PLEKHM2: variants seen among roughly 807,000 people sequenced by gnomAD.
PLEKHM2 encodes pleckstrin homology domain-containing family M member 2.
In PLEKHM2, 77 loss-of-function variants were observed where a neutral mutation model predicts 116.3. The observed-to-expected ratio is 0.66, with a 90% CI of 0.55 to 0.80. The LOEUF (loss-of-function observed/expected upper bound fraction) is 0.80, where lower values mean the gene tolerates loss of function less well. Among genes scored for constraint, PLEKHM2 ranks in the 30% least tolerant of loss-of-function variants. The pLI is 0.00. For missense variants in PLEKHM2, 1,183 were observed against 1,354.9 expected, an observed-to-expected ratio of 0.87 and a Z score of 1.99; for synonymous variants, 562 against 571.0, an observed-to-expected ratio of 0.98 and a Z score of 0.22.
Position 15,727,674 on chromosome 1 carries a change from C to A in PLEKHM2, c.1602C>A (p.Val534=). 1 of 1,595,448 alleles carries A rather than the reference C, an allele frequency of 6.3e-7. No individual in the cohort carries two copies. The highest frequency in any genetic ancestry group is 1.1e-5 in the South Asian group (1 of 88,132). ...AQELEAQLSL[V]REGPVSEPEP... ...AGCTGGAGGCCCAGCTGTCCCTGGT[C>A]AGGGAGGGGCCTGTGTCTGAGCCAG... is the stretch of plus-strand genomic sequence containing the variant. The change falls in exon 9 of 20, where the codon GTC becomes GTA. Residue 534 remains valine (V), a synonymous_variant. Transcript: ENST00000375799. This position sits in a 1 kb window ranked among gnomAD's most constrained non-coding sequence, Gnocchi z 7.5.
In PLEKHM2 at chr1:15,729,295, G is replaced by A; in HGVS notation, c.2075+105G>A. 1.1e-6 allele frequency: 1 copy of A among 923,788 alleles called. No individual in the cohort carries two copies. Among genetic ancestry groups the A allele is most frequent in the Non-Finnish European group, 1.7e-6 (1 of 577,026 alleles). The allele number at this position is 923,788 out of a possible 1,614,324, so 57.2% of individuals were successfully genotyped here. The stretch of plus-strand genomic sequence containing the variant: ...GTGGAGGTGGAAAGTGGGAGATCCA[G>A]GAGGGGAAACCAGATGTATTCCCTC... On this transcript the variant is annotated intron_variant, in intron 13 of 19. Coordinates refer to ENST00000375799, the MANE Select transcript of PLEKHM2 (RefSeq NM_015164.4). This position sits in a 1 kb window ranked among gnomAD's most constrained non-coding sequence, Gnocchi z 4.7.
Position 15,719,316 on chromosome 1 carries a change from G to T in PLEKHM2, c.466-418G>T, listed in dbSNP as rs2067954874. On this transcript the variant is annotated intron_variant, in intron 5 of 19. Transcript: ENST00000375799. This position sits in a 1 kb window ranked among gnomAD's most constrained non-coding sequence, Gnocchi z 4.1. ...AAAATACAAAAGTTAGCGGGGTGTG[G>T]TGATGGGCGCCTATAATCTCAGCTA... Among the ~76,000 whole-genome samples, 3 of 152,150 alleles carry T rather than the reference G, an allele frequency of 2.0e-5. No individual in the cohort carries two copies. The highest frequency in any genetic ancestry group is 2.0e-4 in the Admixed American group (3 of 15,266).
intron 8 of PLEKHM2, 141 bp from the exon 9 acceptor site, chr1:15,726,873 C>T (rs2068069454): frequency 1.8e-6 from 1 of 558,346 alleles, no homozygotes. Flanking sequence ...AGTGCCTCCA[C>T]CCAGCACTGC....
chr1:15,703,535 G>C (rs1281752804), intron 1 of PLEKHM2, among the ~76,000 whole-genome samples: 1 of 152,218 alleles, frequency 6.6e-6, no homozygotes, highest in Non-Finnish European at 1.5e-5. Context: ...ACTTGGAACT[G>C]TCTTATGTTC....
Position 15,734,064 on chromosome 1 carries a change from A to G in PLEKHM2, c.*130A>G. ...CCTGCCCTGGGCGGCAGAACCACCG[A>G]GTGTGGCTTAAGACAGGGTCCCTCC... On this transcript the variant is annotated 3_prime_UTR_variant, in exon 20 of 20. Coordinates refer to ENST00000375799, the MANE Select transcript of PLEKHM2 (RefSeq NM_015164.4). The G allele has an allele frequency of 9.5e-7, 1 of 1,049,694 alleles. No individual in the cohort carries two copies. The highest frequency in any genetic ancestry group is 1.3e-6 in the Non-Finnish European group (1 of 746,464). The allele number at this position is 1,049,694 out of a possible 1,614,324, so 65.0% of individuals were successfully genotyped here.
intron 7 of PLEKHM2, among the ~76,000 whole-genome samples, chr1:15,724,486 A>C (rs1465971220): frequency 1.3e-5 from 2 of 151,836 alleles, no homozygotes; most frequent in Non-Finnish European, 2.9e-5. Flanking sequence ...CGTCTCAAAA[A>C]AAAAAAAAAA....
chr1:15,696,511 C>T (rs919654128), intron 1 of PLEKHM2, among the ~76,000 whole-genome samples: 26 of 152,014 alleles, frequency 1.7e-4, no homozygotes, highest in African/African-American at 6.0e-4. Context: ...CCACCACGCC[C>T]GGCTAATTTT....
Position 15,719,271 on chromosome 1 carries a change from G to A in PLEKHM2, c.466-463G>A, listed in dbSNP as rs1363010414. On this transcript the variant is annotated intron_variant, in intron 5 of 19. Transcript: ENST00000375799. This position sits in a 1 kb window ranked among gnomAD's most constrained non-coding sequence, Gnocchi z 4.1. The stretch of plus-strand genomic sequence containing the variant: ...TCGAGACCAGCCTGGCCAACATGGC[G>A]AAACCTCGTCTCTACTAAAAAAATA... 2.6e-5 allele frequency among the ~76,000 whole-genome samples: 4 copies of A among 152,152 alleles called. No homozygotes were observed. The highest frequency in any genetic ancestry group is 2.1e-4 in the South Asian group (1 of 4,824).
chr1:15,684,491 G>A lies in PLEKHM2; in HGVS notation c.-68G>A. On this transcript the variant is annotated 5_prime_UTR_variant, in exon 1 of 20. Coordinates refer to ENST00000375799, the MANE Select transcript of PLEKHM2 (RefSeq NM_015164.4). ...CGGTTGGCGGCGGCCCCCGGCCCCC[G>A]GCGCGGGAAGCGGCGGCGGGGCGGC... 2 of 919,582 alleles carry A rather than the reference G, an allele frequency of 2.2e-6. No individual in the cohort carries two copies. Among genetic ancestry groups the A allele is most frequent in the Non-Finnish European group, 2.6e-6 (2 of 766,974 alleles). 57.0% of individuals were successfully genotyped at this position (919,582 alleles called of 1,614,324 possible).
chr1:15,693,799 G>A (rs1640935588), intron 1 of PLEKHM2, among the ~76,000 whole-genome samples: 1 of 152,166 alleles, frequency 6.6e-6, no homozygotes, highest in African/African-American at 2.4e-5. Context: ...GTCCACACAA[G>A]CCTTAATGTG....
chr1:15,716,297 G>T lies in PLEKHM2; in HGVS notation c.121G>T (p.Val41Phe). The T allele has an allele frequency of 6.2e-7, 1 of 1,607,858 alleles. No homozygotes were observed. ...EIPAIRNHDKVLQRLCEHLDH... is the reference protein window; with the variant it reads ...EIPAIRNHDKFLQRLCEHLDH... ...CCCTGCCATCCGGAACCATGACAAG[G>T]TCCTACAGCGTCTGTGTGAGCACCT... Residue 41 changes from valine to phenylalanine, a missense_variant, in exon 2 of 20, where the codon GTC becomes TTC. Val to Phe is a conservative substitution (Grantham distance 50). Around this residue, in one of 3 missense-constraint regions of PLEKHM2, gnomAD observed 217 missense variants for 277.6 expected, o/e 0.78. Coordinates refer to ENST00000375799, the MANE Select transcript of PLEKHM2 (RefSeq NM_015164.4).
Position 15,727,444 on chromosome 1 carries a change from C to T in PLEKHM2, c.1372C>T (p.Leu458Phe). 6.2e-7 allele frequency: 1 copy of T among 1,605,718 alleles called. No individual in the cohort carries two copies. Residue 458 changes from leucine (L) to phenylalanine (F), a missense_variant, in exon 9 of 20, where the codon CTT (leucine) becomes TTT (phenylalanine). Leu to Phe is a conservative substitution (Grantham distance 22). Transcript: ENST00000375799. This position sits in a 1 kb window ranked among gnomAD's most constrained non-coding sequence, Gnocchi z 7.5. ...RPPLCDFSEG[L>F]SAPMDFYRFT... Reference sequence around the variant, plus strand: ...GCCGCTTTGCGACTTTAGTGAGGGGCTTTCAGCCCCAATGGACTTCTACCG... The same window carrying T: ...GCCGCTTTGCGACTTTAGTGAGGGGTTTTCAGCCCCAATGGACTTCTACCG...
chr1:15,720,599 T>C, intron 6 of PLEKHM2: 3 of 402,760 alleles, frequency 7.4e-6, no homozygotes, highest in Non-Finnish European at 6.7e-6. Context: ...TTATCTCCTG[T>C]AGGAGACCAG....
At position 15,728,415 on chromosome 1, in the gene PLEKHM2, T is replaced by C; in HGVS notation, c.1921+58T>C. Reference sequence around the variant, plus strand: ...TAGACGAGGCTGACTCTCAGCCCCTTTTCCCCAGTCCCCTTGCCCTCTGAG... The same window carrying C: ...TAGACGAGGCTGACTCTCAGCCCCTCTTCCCCAGTCCCCTTGCCCTCTGAG... On this transcript the variant is annotated intron_variant, in intron 11 of 19. Coordinates refer to ENST00000375799, the MANE Select transcript of PLEKHM2 (RefSeq NM_015164.4). This position sits in a 1 kb window ranked among gnomAD's most constrained non-coding sequence, Gnocchi z 5.9. The C allele has an allele frequency of 1.3e-6, 2 of 1,483,432 alleles. No homozygotes were observed. Among genetic ancestry groups the C allele is most frequent in the Non-Finnish European group, 1.9e-6 (2 of 1,075,868 alleles). The allele number at this position is 1,483,432 out of a possible 1,614,324, so 91.9% of individuals were successfully genotyped here. A position where few individuals can be genotyped will look rare whatever the true frequency, so the allele number is the denominator to read the frequency against.
intron 19 of PLEKHM2, among the ~76,000 whole-genome samples, chr1:15,732,999 T>G (rs1265367452): frequency 6.6e-6 from 1 of 152,210 alleles, no homozygotes; most frequent in Admixed American, 6.5e-5. Flanking sequence ...CACTCAGCAT[T>G]GCTGCCTCAA....
At position 15,734,163 on chromosome 1, in the gene PLEKHM2, G is replaced by C. The variant is rs755187659; in HGVS notation, c.*229G>C. 43 of 560,360 alleles carry C rather than the reference G, an allele frequency of 7.7e-5. No homozygotes were observed. The highest frequency in any genetic ancestry group is 4.7e-4 in the Middle Eastern group (1 of 2,130). 34.7% of individuals were successfully genotyped at this position (560,360 alleles called of 1,614,324 possible). A position where few individuals can be genotyped will look rare whatever the true frequency, so the allele number is the denominator to read the frequency against. The stretch of plus-strand genomic sequence containing the variant: ...GACAGGTAGCGAATGGAGGTCGCTG[G>C]GGGCAGAGGGTCCGAGCCCTGTGGG... On this transcript the variant is annotated 3_prime_UTR_variant, in exon 20 of 20. Coordinates refer to ENST00000375799, the MANE Select transcript of PLEKHM2 (RefSeq NM_015164.4).
In PLEKHM2 at chr1:15,713,634, G is replaced by GT. The variant is rs201956382; in HGVS notation, c.61-2597dup. 6.9e-3 allele frequency among the ~76,000 whole-genome samples: 1,040 copies of GT among 151,282 alleles called. 14 individuals carry two copies. Among genetic ancestry groups the GT allele is most frequent in the African/African-American group, 0.024 (978 of 41,068 alleles). ...TATTCTGTTTTTTGTTTGTTTGTTT[G>GT]TTTTTTGTTTTTTGTTTTTGAGAAG... On this transcript the variant is annotated intron_variant, in intron 1 of 19. Transcript: ENST00000375799.
At chr1:15,681,705 TAGG>T (rs932685949), upstream of PLEKHM2, 27 of 418,906 alleles carry the variant, frequency 6.4e-5, no homozygotes, top group African/African-American at 5.3e-4. Flanking sequence ...CTTTGGTAAG[TAGG>T]AGGCTATTTC....
rs753621312 is a variant in PLEKHM2, at chr1:15,729,938, C to G, written c.2208+9C>G. The G allele has an allele frequency of 3.7e-6, 6 of 1,608,440 alleles. No homozygotes were observed. The Admixed American group carries it at 1.0e-4, about 27-fold the overall frequency. On this transcript the variant is annotated intron_variant, in intron 14 of 19. Transcript: ENST00000375799. The surrounding 1 kb of genome is among the most constrained non-coding windows in gnomAD (Gnocchi z 4.7). ...AAGAATCGAAGTGTGAGGTAAGAAC[C>G]TGGGGAGGAAGCTGAGTGCAGCCCC...
Sources: gnomAD v4.1 joint callset for allele counts (sites outside exome capture counted in the v4.1 genomes callset) on GRCh38, gnomAD v4.1.1 for gene constraint, gnomAD v4.1.1 regional missense constraint, Gnocchi (gnomAD v3.1) non-coding constraint, MANE v1.5 for transcripts, NCBI Gene and HGNC (gene_info 2026-07-23, HGNC 2026-07-21) for gene names.